Variants in RABGAP1 observed in about 807,000 individuals in gnomAD.
RABGAP1 encodes rab GTPase-activating protein 1.
In RABGAP1, 23 loss-of-function variants were observed where a neutral mutation model predicts 137.6. The observed-to-expected ratio is 0.17, with a 90% CI of 0.12 to 0.24. The LOEUF is 0.24. RABGAP1 is among the 10% of genes least tolerant of loss of function. RABGAP1 has a pLI of 1.00. For missense variants in RABGAP1, 906 were observed against 1,275.8 expected (o/e 0.71, Z 4.42); for synonymous variants, 451 against 450.7 (o/e 1.00, Z -0.01).
At chr9:123,014,841 C>T (rs1358237596) in intron 11 of RABGAP1, among the ~76,000 whole-genome samples, 1 of 151,996 alleles carries the variant, frequency 6.6e-6, no homozygotes, top group Non-Finnish European at 1.5e-5. Flanking sequence ...GCAAACATGT[C>T]CTTCTTCACA....
chr9:123,066,912 C>T (rs192878749), intron 14 of RABGAP1, among the ~76,000 whole-genome samples: 1 of 152,282 alleles, frequency 6.6e-6, no homozygotes, highest in East Asian at 1.9e-4. Context: ...TTAATATCCC[C>T]CACACTAATT....
intron 13 of RABGAP1, among the ~76,000 whole-genome samples, chr9:123,045,590 T>A (rs1216581678): frequency 6.6e-6 from 1 of 152,232 alleles, no homozygotes; most frequent in African/African-American, 2.4e-5. Flanking sequence ...GTAATCTTAA[T>A]CTGTCTGAAT....
At chr9:123,057,754 C>T (rs1366977971) in intron 13 of RABGAP1, among the ~76,000 whole-genome samples, 1 of 152,204 alleles carries the variant, frequency 6.6e-6, no homozygotes, top group African/African-American at 2.4e-5. Context: ...GCACTCCAGC[C>T]TGGGCACCAT....
intron 4 of RABGAP1, among the ~76,000 whole-genome samples, 160 bp from the exon 5 acceptor site, chr9:122,989,137 G>A (rs1378330955): frequency 3.3e-5 from 5 of 151,964 alleles, no homozygotes; most frequent in African/African-American, 4.8e-5. Flanking sequence ...AATAGCTTCC[G>A]GAATTCACAT....
chr9:123,065,283 T>G (rs1254178723), intron 13 of RABGAP1, 65 bp from the exon 14 acceptor site: 5 of 1,209,132 alleles, frequency 4.1e-6, no homozygotes, highest in Non-Finnish European at 6.0e-6. Flanking sequence ...AGACCTTGCC[T>G]AAACCTGAAT....
At chr9:122,989,132 C>T (rs1836529051) in intron 4 of RABGAP1, among the ~76,000 whole-genome samples, 165 bp from the exon 5 acceptor site, 1 of 152,076 alleles carries the variant, frequency 6.6e-6, no homozygotes, top group Non-Finnish European at 1.5e-5. Flanking sequence ...TAATCAATAG[C>T]TTCCGGAATT....
intron 1 of RABGAP1, among the ~76,000 whole-genome samples, chr9:122,956,322 T>C (rs1327393837): frequency 6.6e-6 from 1 of 152,166 alleles, no homozygotes; most frequent in Non-Finnish European, 1.5e-5. Flanking sequence ...AATTTAAGTA[T>C]CAATAATGCT....
chr9:122,974,395 C>CAAGATGGA (rs1250808629), intron 2 of RABGAP1, among the ~76,000 whole-genome samples: 4 of 146,778 alleles, frequency 2.7e-5, no homozygotes, highest in Admixed American at 6.8e-5. Context: ...CTTTTCCTCC[C>CAAGATGGA]AAGATGGAAA....
chr9:122,975,722 T>TTAA (rs1286255397), intron 2 of RABGAP1, among the ~76,000 whole-genome samples: 40 of 152,226 alleles, frequency 2.6e-4, no homozygotes, highest in African/African-American at 7.2e-4. Context: ...GGTACTGTGG[T>TTAA]GTGAGAGTTA....
intron 19 of RABGAP1, among the ~76,000 whole-genome samples, chr9:123,087,490 G>A (rs531379770): frequency 6.6e-6 from 1 of 152,172 alleles, no homozygotes; most frequent in Non-Finnish European, 1.5e-5. Context: ...TGTTAGGATT[G>A]TCTATACACT....
intron 13 of RABGAP1, among the ~76,000 whole-genome samples, chr9:123,025,544 T>TTTTTTTC (rs1491099218): frequency 7.7e-5 from 2 of 25,936 alleles, no homozygotes; most frequent in Non-Finnish European, 3.0e-4. Context: ...CTTTCTTTTC[T>TTTTTTTC]TTTTTTTTTT....
intron 2 of RABGAP1, among the ~76,000 whole-genome samples, chr9:122,959,479 GT>G (rs1387490742): frequency 2.0e-5 from 3 of 151,738 alleles, no homozygotes; most frequent in Non-Finnish European, 4.4e-5. Flanking sequence ...ATGACAGCAT[GT>G]TCTACTCCTC....
At chr9:122,996,422 G>A in intron 7 of RABGAP1, 117 bp from the exon 8 acceptor site, 1 of 1,135,524 alleles carries the variant, frequency 8.8e-7, no homozygotes, top group Non-Finnish European at 1.2e-6. Context: ...CAAATTTATT[G>A]ATAACTCTAA....
chr9:123,055,465 C>T (rs1183183510), intron 13 of RABGAP1, among the ~76,000 whole-genome samples: 2 of 151,810 alleles, frequency 1.3e-5, no homozygotes, highest in Non-Finnish European at 2.9e-5. Flanking sequence ...CTCCTTGGTT[C>T]ACGCAGTCCT....
chr9:122,956,780 A>G (rs1427205988), intron 1 of RABGAP1, among the ~76,000 whole-genome samples: 1 of 152,180 alleles, frequency 6.6e-6, no homozygotes, highest in Non-Finnish European at 1.5e-5. Context: ...CCTGAAGGGA[A>G]TATGTTTTAT....
intron 6 of RABGAP1, among the ~76,000 whole-genome samples, chr9:122,993,554 G>A (rs1006418091): frequency 6.6e-6 from 1 of 152,058 alleles, no homozygotes; most frequent in Non-Finnish European, 1.5e-5. Flanking sequence ...TTACAGGCGT[G>A]AGCCACCATG....
At chr9:123,019,369 AGGCTGGAGTGCAGTG>A (rs1429877924) in intron 12 of RABGAP1, among the ~76,000 whole-genome samples, 1 of 152,158 alleles carries the variant, frequency 6.6e-6, no homozygotes, top group Admixed American at 6.5e-5. Flanking sequence ...TCTGTCACCC[AGGCTGGAGTGCAGTG>A]GTGCGGTCTC....
At chr9:123,040,622 A>T (rs563018499) in intron 13 of RABGAP1, among the ~76,000 whole-genome samples, 2 of 152,192 alleles carry the variant, frequency 1.3e-5, no homozygotes, top group East Asian at 3.9e-4. Flanking sequence ...TGCTTTTTAT[A>T]TCCCCAGCCC....
intron 1 of RABGAP1, among the ~76,000 whole-genome samples, chr9:122,945,773 G>C (rs1158479786): frequency 6.6e-6 from 1 of 152,178 alleles, no homozygotes. Context: ...ACATTAGCAA[G>C]TGAGTTTCTG....
Sources: allele counts gnomAD v4.1 joint callset (sites outside exome capture counted in the v4.1 genomes callset), GRCh38; gene constraint gnomAD v4.1.1; transcripts MANE v1.5; gene names NCBI Gene and HGNC (gene_info 2026-07-23, HGNC 2026-07-21).